Variants in PTPRM observed in about 807,000 individuals in gnomAD.
PTPRM encodes the protein protein tyrosine phosphatase receptor type M.
A neutral mutation model predicts 186.7 loss-of-function variants in PTPRM; 47 were observed. The observed-to-expected ratio is 0.25, with a 90% CI of 0.20 to 0.32. PTPRM has a LOEUF of 0.32. PTPRM is among the 10% of genes least tolerant of loss of function. The pLI is 1.00. For synonymous variants in PTPRM, 668 were observed against 674.9 expected (o/e 0.99, Z 0.16); for missense variants, 1,494 against 1,865.0 (o/e 0.80, Z 3.66).
chr18:8,057,425 C>CTTTTTTTTTTTTTTTTTTTTTTATTTT (rs2088080737), intron 7 of PTPRM, among the ~76,000 whole-genome samples: 1 of 102,554 alleles, frequency 9.8e-6, no homozygotes, highest in Non-Finnish European at 1.9e-5. Flanking sequence ...TGTGATACTT[C>CTTTTTTTTTTTTTTTTTTTTTTATTTT]TTTTTTTTTT....
intron 9 of PTPRM, among the ~76,000 whole-genome samples, chr18:8,084,325 A>G (rs1223362945): frequency 6.6e-6 from 1 of 152,168 alleles, no homozygotes; most frequent in Non-Finnish European, 1.5e-5. Flanking sequence ...CGAATGGAGG[A>G]CCAAGTAATC....
chr18:8,065,993 T>C (rs1568281612), intron 7 of PTPRM, among the ~76,000 whole-genome samples: 1 of 152,254 alleles, frequency 6.6e-6, no homozygotes, highest in East Asian at 1.9e-4. Context: ...TAAATGTCCC[T>C]GTGGAATGCC....
At chr18:8,319,130 G>A (rs1243440463) in intron 21 of PTPRM, 48 bp from the exon 22 acceptor site, 1 of 1,312,522 alleles carries the variant, frequency 7.6e-7, no homozygotes, top group Non-Finnish European at 1.1e-6. Flanking sequence ...CTTATCTGCT[G>A]TTTATCGATT....
chr18:7,928,652 C>A lies in PTPRM; in HGVS notation c.663+1969C>A, dbSNP rs140707129. 8.1e-3 allele frequency among the ~76,000 whole-genome samples: 1,237 copies of A among 152,202 alleles called. 7 individuals carry two copies. The highest frequency in any genetic ancestry group is 0.033 in the South Asian group (157 of 4,828). On this transcript the variant is annotated intron_variant, in intron 5 of 32. Coordinates refer to ENST00000580170, the MANE Select transcript of PTPRM (RefSeq NM_001105244.2). Reference sequence around the variant, plus strand: ...TTTGCTCCTAATATTTATGATATTACTTGAGAGAATACAATATAAATACTA... The same window carrying A: ...TTTGCTCCTAATATTTATGATATTAATTGAGAGAATACAATATAAATACTA...
In PTPRM at chr18:7,629,142, C is replaced by G. The variant is rs117329755; in HGVS notation, c.73+61251C>G. 6.9e-3 allele frequency among the ~76,000 whole-genome samples: 1,055 copies of G among 152,304 alleles called. 9 individuals are homozygous for G. Among genetic ancestry groups the G allele is most frequent in the Non-Finnish European group, 0.011 (723 of 68,036 alleles). On this transcript the variant is annotated intron_variant, in intron 1 of 32. Coordinates refer to ENST00000580170, the MANE Select transcript of PTPRM (RefSeq NM_001105244.2). ...CCATTAAGATGGCGGGGGTGCCAAT[C>G]ATGTCATATGAGGGCAATTGTAAGA...
chr18:8,363,404 T>C (rs1001042482), intron 23 of PTPRM, among the ~76,000 whole-genome samples: 12 of 152,272 alleles, frequency 7.9e-5, no homozygotes, highest in African/African-American at 2.2e-4. Flanking sequence ...CCCTGACACA[T>C]GTGAAGACTG....
chr18:8,012,071 T>C (rs8088126), intron 7 of PTPRM, among the ~76,000 whole-genome samples: 99,005 of 152,044 alleles, frequency 0.65, 32,577 homozygotes, highest in African/African-American at 0.74. Context: ...CTAGTGGACC[T>C]ATCTGTGTGG....
chr18:7,697,603 T>C (rs1185471561), intron 1 of PTPRM, among the ~76,000 whole-genome samples: 1 of 152,212 alleles, frequency 6.6e-6, no homozygotes, highest in Non-Finnish European at 1.5e-5. Context: ...ATCTCAATGG[T>C]TGAATAGAGA....
intron 5 of PTPRM, among the ~76,000 whole-genome samples, chr18:7,931,122 A>G (rs2051458682): frequency 1.3e-5 from 2 of 152,202 alleles, no homozygotes; most frequent in African/African-American, 2.4e-5. Flanking sequence ...TCTTGAAGAT[A>G]CTTGTGATAT....
At chr18:8,256,439 G>A (rs1477251453) in intron 19 of PTPRM, among the ~76,000 whole-genome samples, 1 of 152,308 alleles carries the variant, frequency 6.6e-6, no homozygotes, top group East Asian at 1.9e-4. Flanking sequence ...GTAGGTGCTA[G>A]AATTATATCT....
At chr18:7,858,815 A>G (rs569501397) in intron 2 of PTPRM, among the ~76,000 whole-genome samples, 1 of 152,164 alleles carries the variant, frequency 6.6e-6, no homozygotes, top group Non-Finnish European at 1.5e-5. Context: ...CGGAGCACCT[A>G]TTAAGTGCCA....
In PTPRM at chr18:8,177,795, G is replaced by A. The variant is rs1193200292; in HGVS notation, c.2300+34016G>A. ...GGCAACTTGAGAGGGTCAAGTGCAC[G>A]GTTTGACCTTAGATCTGGGGTTGTA... On this transcript the variant is annotated intron_variant, in intron 14 of 32. Coordinates refer to ENST00000580170, the MANE Select transcript of PTPRM (RefSeq NM_001105244.2). 4.5e-4 allele frequency among the ~76,000 whole-genome samples: 69 copies of A among 152,152 alleles called. 1 individual carries two copies. The highest frequency in any genetic ancestry group is 4.4e-3 in the Admixed American group (67 of 15,274).
At chr18:8,141,345 C>T (rs2092762445) in intron 13 of PTPRM, among the ~76,000 whole-genome samples, 1 of 152,194 alleles carries the variant, frequency 6.6e-6, no homozygotes, top group African/African-American at 2.4e-5. Context: ...ACCGTCATCA[C>T]GTTGCAACTG....
rs113501083 is a variant in PTPRM at position 8,157,405 on chromosome 18, G to A, written c.2300+13626G>A. ...CGGACATGGGAGAAGACCAAGGAAC[G>A]GAGCTGTCTCCCCTTGAGAGGGGGT... is the stretch of plus-strand genomic sequence containing the variant. On this transcript the variant is annotated intron_variant, in intron 14 of 32. Transcript: ENST00000580170. 1.1e-3 allele frequency among the ~76,000 whole-genome samples: 169 copies of A among 152,290 alleles called. 1 individual carries two copies. The highest frequency in any genetic ancestry group is 3.9e-3 in the African/African-American group (162 of 41,568).
intron 19 of PTPRM, among the ~76,000 whole-genome samples, chr18:8,280,840 C>T (rs72916822): frequency 0.25 from 37,837 of 152,004 alleles, 4,999 homozygotes; most frequent in African/African-American, 0.34. Flanking sequence ...TGCTTTGTGC[C>T]CAGCTCTGTG....
intron 7 of PTPRM, among the ~76,000 whole-genome samples, chr18:8,021,650 G>A (rs2085244549): frequency 6.6e-6 from 1 of 152,132 alleles, no homozygotes; most frequent in Admixed American, 6.6e-5. Flanking sequence ...TGTGTTTGCT[G>A]AGGTTGCTGG....
At chr18:8,224,370 T>C (rs1368611083) in intron 14 of PTPRM, among the ~76,000 whole-genome samples, 4 of 152,184 alleles carry the variant, frequency 2.6e-5, no homozygotes, top group Non-Finnish European at 5.9e-5. Context: ...CAATTACAAG[T>C]GCAGCTATAT....
intron 4 of PTPRM, among the ~76,000 whole-genome samples, chr18:7,921,602 T>C (rs1019847678): frequency 2.0e-5 from 3 of 152,048 alleles, no homozygotes; most frequent in African/African-American, 7.2e-5. Flanking sequence ...GGATGGTCTC[T>C]AACTCCTGGC....
chr18:7,965,033 CTTT>C (rs569596603), intron 7 of PTPRM, among the ~76,000 whole-genome samples: 21,328 of 119,788 alleles, frequency 0.18, 1,498 homozygotes, highest in African/African-American at 0.23. Flanking sequence ...CACTCTAACA[CTTT>C]TTTTTTTTTT....
Sources: allele counts gnomAD v4.1 joint callset (sites outside exome capture counted in the v4.1 genomes callset), GRCh38; gene constraint gnomAD v4.1.1; transcripts MANE v1.5; gene names NCBI Gene and HGNC (gene_info 2026-07-23, HGNC 2026-07-21).